Variants in RBFOX1 observed in about 807,000 individuals in gnomAD.
RBFOX1 encodes RNA binding fox-1 homolog 1, also known as RNA binding protein fox-1 homolog 1.
A neutral mutation model predicts 57.7 loss-of-function variants in RBFOX1; 8 were observed. That is an observed-to-expected ratio of 0.14 (90% confidence interval 0.08 to 0.25). RBFOX1 has a LOEUF of 0.25. Ranked by LOEUF, RBFOX1 falls within the 10% of genes least tolerant of loss-of-function variation. RBFOX1 has a pLI of 1.00. For missense variants in RBFOX1, 611 were observed against 548.5 expected (o/e 1.11, Z -1.14); for synonymous variants, 326 against 222.4 (o/e 1.47, Z -4.15).
At chr16:5,672,732 C>T (rs28458445) in intron 3 of RBFOX1, among the ~76,000 whole-genome samples, 2,906 of 151,940 alleles carry the variant, frequency 0.019, 89 homozygotes, top group African/African-American at 0.066. Flanking sequence ...AAAACTTTAG[C>T]GGTTGTTGGT....
At chr16:6,156,784 C>G (rs943319442) in intron 1 of RBFOX1, among the ~76,000 whole-genome samples, 3 of 152,144 alleles carry the variant, frequency 2.0e-5, no homozygotes, top group East Asian at 1.9e-4. Flanking sequence ...TTACTCGTAA[C>G]TGGGCATTCT....
chr16:6,508,781 G>C lies in RBFOX1; in HGVS notation c.-63-145822G>C, dbSNP rs143055639. On this transcript the variant is annotated intron_variant, in intron 2 of 15. Coordinates refer to ENST00000550418, the MANE Select transcript of RBFOX1 (RefSeq NM_018723.4). The stretch of plus-strand genomic sequence containing the variant: ...TATTTAAGGCTCTGTATTAAATTTA[G>C]AGAAGAAATTTGCCATTTATATTAG... Among the ~76,000 whole-genome samples, 465 of 151,714 alleles carry C rather than the reference G, an allele frequency of 3.1e-3. 3 individuals carry two copies. The highest frequency in any genetic ancestry group is 0.01 in the African/African-American group (417 of 41,356).
chr16:7,102,871 C>T (rs543531891), intron 4 of RBFOX1, among the ~76,000 whole-genome samples: 10 of 152,112 alleles, frequency 6.6e-5, no homozygotes, highest in East Asian at 3.9e-4. Context: ...AAATCCAAAA[C>T]GCATGCACTT....
At chr16:7,435,096 A>G (rs973570104) in intron 4 of RBFOX1, among the ~76,000 whole-genome samples, 1 of 152,144 alleles carries the variant, frequency 6.6e-6, no homozygotes, top group Admixed American at 6.5e-5. Context: ...ATTGTTAACT[A>G]ATGTCTACAT....
intron 3 of RBFOX1, among the ~76,000 whole-genome samples, chr16:5,722,983 C>T (rs2051992952): frequency 6.6e-6 from 1 of 152,152 alleles, no homozygotes; most frequent in African/African-American, 2.4e-5. Flanking sequence ...TTGTCCACTG[C>T]CATATTCGCA....
At chr16:5,404,424 C>G (rs1263747279) in intron 1 of RBFOX1, among the ~76,000 whole-genome samples, 1 of 152,136 alleles carries the variant, frequency 6.6e-6, no homozygotes, top group Non-Finnish European at 1.5e-5. Context: ...GTCTTCAAAT[C>G]TGAGAGGCCA....
intron 4 of RBFOX1, among the ~76,000 whole-genome samples, chr16:7,142,736 C>G (rs1438928224): frequency 6.6e-6 from 1 of 152,166 alleles, no homozygotes; most frequent in African/African-American, 2.4e-5. Context: ...CCAGTGAGAA[C>G]CACCTCTACT....
chr16:5,810,147 G>A (rs943419736), intron 3 of RBFOX1, among the ~76,000 whole-genome samples: 1 of 150,234 alleles, frequency 6.7e-6, no homozygotes, highest in Non-Finnish European at 1.5e-5. Context: ...GACACAGGAA[G>A]GGGAACATCA....
intron 4 of RBFOX1, among the ~76,000 whole-genome samples, chr16:7,290,318 A>G (rs141664463): frequency 6.4e-4 from 98 of 152,328 alleles, no homozygotes; most frequent in African/African-American, 2.2e-3. Flanking sequence ...AATTCATTTC[A>G]GTCTTTTAAT....
chr16:5,498,835 C>T (rs1022863056), intron 2 of RBFOX1, among the ~76,000 whole-genome samples: 14 of 152,226 alleles, frequency 9.2e-5, no homozygotes, highest in Admixed American at 4.6e-4. Context: ...TATTATCATC[C>T]ATATGTCCCT....
At chr16:5,461,287 A>G (rs2068779302) in intron 1 of RBFOX1, among the ~76,000 whole-genome samples, 1 of 152,148 alleles carries the variant, frequency 6.6e-6, no homozygotes, top group Non-Finnish European at 1.5e-5. Flanking sequence ...CAAGAGTGCA[A>G]TTAGAGGCTC....
intron 3 of RBFOX1, among the ~76,000 whole-genome samples, chr16:6,860,109 T>G (rs763187918): frequency 2.6e-5 from 4 of 152,200 alleles, no homozygotes; most frequent in Non-Finnish European, 5.9e-5. Context: ...CCTCTTCCAA[T>G]GAATAGCTGT....
intron 2 of RBFOX1, among the ~76,000 whole-genome samples, chr16:6,497,179 C>T (rs140245110): frequency 0.013 from 1,926 of 152,158 alleles, 21 homozygotes; most frequent in Non-Finnish European, 0.02. Context: ...GGCAACAGGC[C>T]GACTAAACCC....
chr16:6,483,642 A>T lies in RBFOX1; in HGVS notation c.-64+166585A>T, dbSNP rs2095411649. On this transcript the variant is annotated intron_variant, in intron 2 of 15. Coordinates refer to ENST00000550418, the MANE Select transcript of RBFOX1 (RefSeq NM_018723.4). ...GGGAGAGACCAGGCAGCTTCTGCAG[A>T]GGCTTCCTGAAGCCCACTGACTCCG... The T allele has an allele frequency of 4.9e-5, 57 of 1,165,430 alleles. 1 individual carries two copies. The South Asian group carries it at 7.6e-4, about 16-fold the overall frequency. 72.2% of individuals were successfully genotyped at this position (1,165,430 alleles called of 1,614,324 possible). A position where few individuals can be genotyped will look rare whatever the true frequency, so the allele number is the denominator to read the frequency against.
At chr16:7,001,448 GTA>G (rs2092796074) in intron 3 of RBFOX1, among the ~76,000 whole-genome samples, 3 of 150,950 alleles carry the variant, frequency 2.0e-5, no homozygotes, top group Non-Finnish European at 4.4e-5. Context: ...ATATGTATAT[GTA>G]TATGTATACG....
chr16:6,987,258 A>G (rs533277794), intron 3 of RBFOX1, among the ~76,000 whole-genome samples: 3 of 152,310 alleles, frequency 2.0e-5, no homozygotes, highest in East Asian at 1.9e-4. Flanking sequence ...TTATTGAATC[A>G]TGGAATATTC....
At chr16:5,780,198 T>A (rs2054281628) in intron 3 of RBFOX1, among the ~76,000 whole-genome samples, 1 of 152,198 alleles carries the variant, frequency 6.6e-6, no homozygotes, top group African/African-American at 2.4e-5. Context: ...AGATGGGATT[T>A]CACTATCTTG....
chr16:6,059,648 T>C (rs1459839760), intron 1 of RBFOX1, among the ~76,000 whole-genome samples: 1 of 152,186 alleles, frequency 6.6e-6, no homozygotes, highest in East Asian at 1.9e-4. Flanking sequence ...TTATTCAAAC[T>C]GAGCATCTCT....
chr16:7,499,526 T>A (rs1037347986), intron 4 of RBFOX1, among the ~76,000 whole-genome samples: 1 of 152,176 alleles, frequency 6.6e-6, no homozygotes, highest in African/African-American at 2.4e-5. Flanking sequence ...TCAAGTCAGA[T>A]ATATGAAAAA....
Sources: gnomAD v4.1 joint callset for allele counts (sites outside exome capture counted in the v4.1 genomes callset) on GRCh38, gnomAD v4.1.1 for gene constraint, MANE v1.5 for transcripts, NCBI Gene and HGNC (gene_info 2026-07-23, HGNC 2026-07-21) for gene names.